PDE10A: variants seen among roughly 807,000 people sequenced by gnomAD.
PDE10A encodes phosphodiesterase 10A.
A neutral mutation model predicts 97.7 loss-of-function variants in PDE10A; 39 were observed. The ratio of observed to expected loss-of-function variants is 0.40; its 90% CI spans 0.31 to 0.52. PDE10A has a LOEUF of 0.52. Among genes scored for constraint, PDE10A ranks in the 20% least tolerant of loss-of-function variants. The probability of loss-of-function intolerance (pLI) is 0.56; values close to 1 mark genes in which losing one functional copy is unlikely to be tolerated. For synonymous variants in PDE10A, 371 were observed against 376.8 expected (o/e 0.98, Z 0.18); for missense variants, 731 against 1,047.8 (o/e 0.70, Z 4.17).
intron 1 of PDE10A, among the ~76,000 whole-genome samples, chr6:165,716,512 A>G (rs944554545): frequency 6.6e-6 from 1 of 152,246 alleles, no homozygotes; most frequent in African/African-American, 2.4e-5. Context: ...TATTGGAGTT[A>G]ATGATTAGCA....
intron 17 of PDE10A, among the ~76,000 whole-genome samples, chr6:165,386,793 G>A (rs1464269132): frequency 1.3e-5 from 2 of 151,172 alleles, no homozygotes; most frequent in South Asian, 2.1e-4. Flanking sequence ...ACAAGGTCAG[G>A]AGATTGAGAC....
At chr6:165,897,302 C>T (rs1781979550) in intron 1 of PDE10A, among the ~76,000 whole-genome samples, 1 of 152,098 alleles carries the variant, frequency 6.6e-6, no homozygotes, top group African/African-American at 2.4e-5. Context: ...TGTGTGTAGA[C>T]TGTCTTTAAA....
chr6:165,765,839 G>A (rs2128458940), intron 1 of PDE10A, among the ~76,000 whole-genome samples: 2 of 152,310 alleles, frequency 1.3e-5, no homozygotes, highest in South Asian at 4.1e-4. Flanking sequence ...CCAGCCCGCT[G>A]TCACCTCTCA....
chr6:165,501,536 G>A (rs1780888369), intron 2 of PDE10A, among the ~76,000 whole-genome samples: 1 of 150,864 alleles, frequency 6.6e-6, no homozygotes, highest in Non-Finnish European at 1.5e-5. Flanking sequence ...TCGCGCCACT[G>A]CACTCCAGCC....
In PDE10A at chr6:165,646,214, T is replaced by A. The variant is rs559982971; in HGVS notation, c.865+15733A>T. Among the ~76,000 whole-genome samples, 236 of 152,304 alleles carry A rather than the reference T, an allele frequency of 1.5e-3. 2 individuals carry two copies. The highest frequency in any genetic ancestry group is 5.4e-3 in the African/African-American group (225 of 41,572). On this transcript the variant is annotated intron_variant, in intron 1 of 21. Coordinates refer to ENST00000539869, the MANE Select transcript of PDE10A (RefSeq NM_001385079.1). ...CTTGTCATGAAGTCACAGCCTCTTT[T>A]AAAAATCAAAAGCAACATTTGAAGG...
In PDE10A at chr6:165,958,756, A is replaced by AGAAAGAAAGAAT; in HGVS notation, c.-615+28772_-615+28773insATTCTTTCTTTC. Among the ~76,000 whole-genome samples, 2 of 151,910 alleles carry AGAAAGAAAGAAT rather than the reference A, an allele frequency of 1.3e-5. 1 individual carries two copies. The highest frequency in any genetic ancestry group is 4.2e-4 in the South Asian group (2 of 4,804). ...GAAAGAAAGAAAGAAAGAGAAAGAA[A>AGAAAGAAAGAAT]GAAAGAAAGAAGAAAGCAAGCCAGC... On this transcript the variant is annotated intron_variant, in intron 1 of 19. Coordinates refer to the PDE10A transcript ENST00000366882.
intron 1 of PDE10A, among the ~76,000 whole-genome samples, chr6:165,807,613 C>A (rs923935650): frequency 6.6e-6 from 1 of 152,274 alleles, no homozygotes; most frequent in Non-Finnish European, 1.5e-5. Context: ...AAGAAAAGGA[C>A]AAGTTCAACG....
intron 1 of PDE10A, among the ~76,000 whole-genome samples, chr6:165,772,715 G>A (rs930279995): frequency 9.9e-5 from 15 of 152,148 alleles, no homozygotes; most frequent in African/African-American, 3.1e-4. Context: ...ATTTAGGGGC[G>A]GAAGTGAGGA....
At chr6:165,731,661 T>C (rs1792440279) in intron 1 of PDE10A, among the ~76,000 whole-genome samples, 1 of 152,188 alleles carries the variant, frequency 6.6e-6, no homozygotes, top group Admixed American at 6.5e-5. Context: ...TGGGTTCTTA[T>C]TTGCAGGAGG....
At chr6:165,912,321 A>G (rs1206524610) in intron 1 of PDE10A, among the ~76,000 whole-genome samples, 1 of 152,154 alleles carries the variant, frequency 6.6e-6, no homozygotes, top group Non-Finnish European at 1.5e-5. Context: ...GAAGGCATCT[A>G]CTCACAAAAT....
rs191406848 is a variant in PDE10A at position 165,522,666 on chromosome 6, T to C, written c.994+20774A>G. On this transcript the variant is annotated intron_variant, in intron 2 of 21. Coordinates refer to ENST00000539869, the MANE Select transcript of PDE10A (RefSeq NM_001385079.1). ...AACAAATCCACAGCCAACATCATAC[T>C]AGCAGGCAAAAGCTAGAAGCTTTTG... Among the ~76,000 whole-genome samples, 680 of 152,188 alleles carry C rather than the reference T, an allele frequency of 4.5e-3. 8 individuals are homozygous for C. The highest frequency in any genetic ancestry group is 6.8e-3 in the Middle Eastern group (2 of 294).
chr6:165,987,967 G>A, upstream of PDE10A: 1 of 384,100 alleles, frequency 2.6e-6, no homozygotes, highest in Non-Finnish European at 5.2e-6. Context: ...GAGTGCTTGT[G>A]TGTGCGTGCG....
rs1305924318 is a variant in PDE10A, at chr6:165,392,862, C to T, written c.2304-66G>A. 38 of 1,426,178 alleles carry T rather than the reference C, an allele frequency of 2.7e-5. No homozygotes were observed. The Middle Eastern group carries it at 5.6e-4, about 21-fold the overall frequency. 88.3% of individuals were successfully genotyped at this position (1,426,178 alleles called of 1,614,324 possible). A position where few individuals can be genotyped will look rare whatever the true frequency, so the allele number is the denominator to read the frequency against. ...AATCACTATGTTGTAGGAGAACTCC[C>T]TAGTTTAGGTACATATATGTCTGTA... is the stretch of plus-strand genomic sequence containing the variant. On this transcript the variant is annotated intron_variant, in intron 15 of 21. Transcript: ENST00000539869.
intron 5 of PDE10A, among the ~76,000 whole-genome samples, chr6:165,442,007 CTA>C (rs1353076763): frequency 6.6e-6 from 1 of 151,898 alleles, no homozygotes; most frequent in East Asian, 1.9e-4. Context: ...TTCATTATAT[CTA>C]TTATTTGTTT....
intron 1 of PDE10A, among the ~76,000 whole-genome samples, chr6:165,732,747 A>G (rs1167580400): frequency 6.6e-6 from 1 of 152,142 alleles, no homozygotes; most frequent in Non-Finnish European, 1.5e-5. Flanking sequence ...AAATCTCCCA[A>G]CAGTAGCTCT....
chr6:165,805,018 T>C (rs1398860752), intron 1 of PDE10A, among the ~76,000 whole-genome samples: 1 of 114,484 alleles, frequency 8.7e-6, no homozygotes, highest in Non-Finnish European at 1.8e-5. Context: ...CGGAGGGGCA[T>C]CTGGGCGTGG....
chr6:165,449,998 G>C (rs1269948667), intron 4 of PDE10A, among the ~76,000 whole-genome samples: 1 of 152,148 alleles, frequency 6.6e-6, no homozygotes, highest in East Asian at 1.9e-4. Flanking sequence ...GTGTTAATTA[G>C]AAGGCATAGT....
At chr6:165,881,513 A>G (rs896517656) in intron 1 of PDE10A, among the ~76,000 whole-genome samples, 3 of 147,348 alleles carry the variant, frequency 2.0e-5, no homozygotes, top group Non-Finnish European at 4.4e-5. Context: ...CTCCTGCCTC[A>G]GCCTCCTGAG....
chr6:165,412,873 A>G (rs190433960), intron 13 of PDE10A, among the ~76,000 whole-genome samples: 382 of 152,354 alleles, frequency 2.5e-3, no homozygotes, highest in Non-Finnish European at 4.0e-3. Flanking sequence ...AAGGATTACT[A>G]GAGTTTACAG....
Sources: gnomAD v4.1 joint callset for allele counts (sites outside exome capture counted in the v4.1 genomes callset) on GRCh38, gnomAD v4.1.1 for gene constraint, MANE v1.5 for transcripts, NCBI Gene and HGNC (gene_info 2026-07-23, HGNC 2026-07-21) for gene names.